The following TRIM71 variants were observed in gnomAD, a reference collection of about 807,000 sequenced individuals.
TRIM71 encodes the protein tripartite motif containing 71.
Under a neutral mutation model 61.2 loss-of-function variants are expected in TRIM71, and 9 were observed. That is an observed-to-expected ratio of 0.15 (90% CI 0.09 to 0.26). TRIM71 has a LOEUF of 0.26. TRIM71 is among the 10% of genes least tolerant of loss of function. TRIM71 has a pLI of 1.00. For missense variants in TRIM71, 998 were observed against 1,238.7 expected (o/e 0.81, Z 2.92); for synonymous variants, 645 against 553.2 (o/e 1.17, Z -2.33).
intron 1 of TRIM71, among the ~76,000 whole-genome samples, chr3:32,846,768 T>G (rs1696480656): frequency 6.6e-6 from 1 of 152,002 alleles, no homozygotes; most frequent in African/African-American, 2.4e-5. Context: ...ATTCCATATA[T>G]AAGTGACATC....
At chr3:32,827,119 A>G (rs372888481) in intron 1 of TRIM71, among the ~76,000 whole-genome samples, 3 of 152,056 alleles carry the variant, frequency 2.0e-5, no homozygotes, top group Non-Finnish European at 2.9e-5. Flanking sequence ...AAAAATTAGC[A>G]GTCAGTTGTA....
At position 32,890,647 on chromosome 3, in the gene TRIM71, G is replaced by T. The variant is rs777685448; in HGVS notation, c.1443G>T (p.Gly481=). 6.2e-7 allele frequency: 1 copy of T among 1,613,910 alleles called. No individual in the cohort carries two copies. Among genetic ancestry groups the T allele is most frequent in the Non-Finnish European group, 8.5e-7 (1 of 1,180,040 alleles). Residue 481 remains glycine, a synonymous_variant, in exon 4 of 4, where the codon GGG becomes GGT. Coordinates refer to ENST00000383763, the MANE Select transcript of TRIM71 (RefSeq NM_001039111.3). The surrounding 1 kb of genome is among the most constrained non-coding windows in gnomAD (Gnocchi z 6.2). ...AGTCTTTTGGCTTTGTTAGCAGCGGGGCCTTTGCCCCACTCACCAAGGCCA... is the reference window on the plus strand; with the variant it reads ...AGTCTTTTGGCTTTGTTAGCAGCGGTGCCTTTGCCCCACTCACCAAGGCCA... The part of the protein sequence containing the change: ...AIKSFGFVSS[G]AFAPLTKATG...
At chr3:32,855,823 A>G (rs540339907) in intron 1 of TRIM71, among the ~76,000 whole-genome samples, 6 of 152,186 alleles carry the variant, frequency 3.9e-5, no homozygotes, top group Admixed American at 3.3e-4. Context: ...CTGCTTCTGT[A>G]CTGTTTATAA....
chr3:32,890,636 G>T lies in TRIM71; in HGVS notation c.1432G>T (p.Val478Phe). 2 of 1,613,910 alleles carry T rather than the reference G, an allele frequency of 1.2e-6. No individual in the cohort carries two copies. Among genetic ancestry groups the T allele is most frequent in the Non-Finnish European group, 1.7e-6 (2 of 1,180,038 alleles). Residue 478 changes from valine (V) to phenylalanine (F), a missense_variant, in exon 4 of 4, where the codon GTT becomes TTT. Val to Phe is a conservative substitution (Grantham distance 50). Coordinates refer to ENST00000383763, the MANE Select transcript of TRIM71 (RefSeq NM_001039111.3). The surrounding 1 kb of genome is among the most constrained non-coding windows in gnomAD (Gnocchi z 6.2). ...CCTTGCCATCAAGTCTTTTGGCTTT[G>T]TTAGCAGCGGGGCCTTTGCCCCACT... Reference protein sequence around the residue: ...LYLAIKSFGFVSSGAFAPLTK... With the variant: ...LYLAIKSFGFFSSGAFAPLTK...
chr3:32,897,727 C>T lies in TRIM71; in HGVS notation c.*5916C>T, dbSNP rs1460036029. On this transcript the variant is annotated 3_prime_UTR_variant, in exon 4 of 4. Coordinates refer to ENST00000383763, the MANE Select transcript of TRIM71 (RefSeq NM_001039111.3). ...GGAGATGCTGTATCAGCTACTACAG[C>T]CTTAAAACAAAGTTGGTGTCTCTTT... 6.6e-6 allele frequency: 1 copy of T among 152,070 alleles called. No individual in the cohort carries two copies. The highest frequency in any genetic ancestry group is 2.4e-5 in the African/African-American group (1 of 41,404). The allele number at this position is 152,070 out of a possible 1,614,324, so 9.4% of individuals were successfully genotyped here. A position where few individuals can be genotyped will look rare whatever the true frequency, so the allele number is the denominator to read the frequency against.
At chr3:32,881,801 A>G (rs570743341) in intron 2 of TRIM71, among the ~76,000 whole-genome samples, 9 of 152,328 alleles carry the variant, frequency 5.9e-5, no homozygotes, top group African/African-American at 1.7e-4. Flanking sequence ...AACTAGTTCA[A>G]TAAGTCCTGG....
intron 1 of TRIM71, among the ~76,000 whole-genome samples, chr3:32,860,401 C>A (rs183706386): frequency 6.6e-6 from 1 of 152,056 alleles, no homozygotes. Context: ...GGTGATCCAC[C>A]TGCCTCGGAC....
Position 32,891,872 on chromosome 3 carries a change from C to A in TRIM71, c.*61C>A. 6.6e-7 allele frequency: 1 copy of A among 1,510,720 alleles called. No individual in the cohort carries two copies. The highest frequency in any genetic ancestry group is 8.9e-7 in the Non-Finnish European group (1 of 1,127,936). The allele number at this position is 1,510,720 out of a possible 1,614,324, so 93.6% of individuals were successfully genotyped here. ...TGCGTGTCTCTCTCTCTCTCTCTCTCTTTCTCTTTCTCTCTCTTTTTGAAT... is the reference window on the plus strand; with the variant it reads ...TGCGTGTCTCTCTCTCTCTCTCTCTATTTCTCTTTCTCTCTCTTTTTGAAT... On this transcript the variant is annotated 3_prime_UTR_variant, in exon 4 of 4. Transcript: ENST00000383763. This position sits in a 1 kb window ranked among gnomAD's most constrained non-coding sequence, Gnocchi z 8.2.
At position 32,893,178 on chromosome 3, in the gene TRIM71, A is replaced by C. The variant is rs578114078; in HGVS notation, c.*1367A>C. On this transcript the variant is annotated 3_prime_UTR_variant, in exon 4 of 4. Transcript: ENST00000383763. ...CATGCTTTAGGACCTCATGGTTAAC[A>C]TGAATCCCCCCGCCCCCTCTCCCCC... 1 of 151,996 alleles carries C rather than the reference A, an allele frequency of 6.6e-6. No individual in the cohort carries two copies. The highest frequency in any genetic ancestry group is 6.6e-5 in the Admixed American group (1 of 15,246). 9.4% of individuals were successfully genotyped at this position (151,996 alleles called of 1,614,324 possible).
chr3:32,826,780 CG>C (rs1229464182), intron 1 of TRIM71, among the ~76,000 whole-genome samples: 2 of 151,184 alleles, frequency 1.3e-5, no homozygotes, highest in Non-Finnish European at 2.9e-5. Flanking sequence ...TTTTTTGAGA[CG>C]GAGTCTTGCT....
Position 32,890,597 on chromosome 3 carries a change from G to A in TRIM71, c.1393G>A (p.Asp465Asn), listed in dbSNP as rs776373796. 7 of 1,613,872 alleles carry A rather than the reference G, an allele frequency of 4.3e-6. No individual in the cohort carries two copies. Among genetic ancestry groups the A allele is most frequent in the African/African-American group, 2.7e-5 (2 of 75,058 alleles). ...CGACCGAGTCATGTTCACACCCCCC[G>A]ATCAGGCACTGTACCTTGCCATCAA... ...EDDRVMFTPP[D>N]QALYLAIKSF... Residue 465 changes from aspartate (D) to asparagine (N), a missense_variant, in exon 4 of 4, where the codon GAT (aspartate) becomes AAT (asparagine). This residue lies in a region of TRIM71 where 291 missense variants were observed against 431.2 expected (regional missense o/e 0.67). Coordinates refer to ENST00000383763, the MANE Select transcript of TRIM71 (RefSeq NM_001039111.3). The surrounding 1 kb of genome is among the most constrained non-coding windows in gnomAD (Gnocchi z 6.2).
intron 2 of TRIM71, among the ~76,000 whole-genome samples, chr3:32,880,499 G>T (rs1242368320): frequency 6.6e-6 from 1 of 152,156 alleles, no homozygotes; most frequent in Non-Finnish European, 1.5e-5. Flanking sequence ...CCTAACTTAT[G>T]ACTTTAAAGA....
At chr3:32,874,685 G>A (rs898661307) in intron 2 of TRIM71, among the ~76,000 whole-genome samples, 1 of 151,914 alleles carries the variant, frequency 6.6e-6, no homozygotes, top group African/African-American at 2.4e-5. Flanking sequence ...ACCACGCCCG[G>A]CTAATTTTTT....
intron 1 of TRIM71, among the ~76,000 whole-genome samples, chr3:32,839,020 T>C (rs1696372824): frequency 6.6e-6 from 1 of 151,782 alleles, no homozygotes; most frequent in African/African-American, 2.4e-5. Flanking sequence ...AGGCTGGTCT[T>C]GAACTCCTGA....
At chr3:32,831,050 G>A (rs371091643) in intron 1 of TRIM71, among the ~76,000 whole-genome samples, 15 of 152,190 alleles carry the variant, frequency 9.9e-5, no homozygotes, top group South Asian at 4.2e-4. Context: ...CGCCTACCTC[G>A]GCCTCCCAAA....
intron 2 of TRIM71, among the ~76,000 whole-genome samples, chr3:32,881,939 G>A (rs1018611256): frequency 2.0e-5 from 3 of 152,194 alleles, no homozygotes; most frequent in Non-Finnish European, 2.9e-5. Context: ...TTGCATGCTT[G>A]CTGATTATTA....
intron 1 of TRIM71, among the ~76,000 whole-genome samples, chr3:32,844,031 C>T (rs944353935): frequency 3.9e-5 from 6 of 152,116 alleles, no homozygotes; most frequent in Non-Finnish European, 5.9e-5. Context: ...CTATGAGAGC[C>T]GAAGTATTTT....
chr3:32,856,357 T>TA (rs1195463716), intron 1 of TRIM71, among the ~76,000 whole-genome samples: 2 of 151,290 alleles, frequency 1.3e-5, no homozygotes, highest in African/African-American at 4.9e-5. Context: ...ACCGCTCCCC[T>TA]GCCCCCCCAT....
chr3:32,848,230 C>T (rs1219946997), intron 1 of TRIM71, among the ~76,000 whole-genome samples: 1 of 152,186 alleles, frequency 6.6e-6, no homozygotes, highest in East Asian at 1.9e-4. Flanking sequence ...TTATGCTATA[C>T]TGTGCGCATG....
Sources: allele counts gnomAD v4.1 joint callset (sites outside exome capture counted in the v4.1 genomes callset), GRCh38; gene constraint gnomAD v4.1.1; regional missense constraint gnomAD v4.1.1; non-coding constraint Gnocchi (gnomAD v3.1); transcripts MANE v1.5; gene names NCBI Gene and HGNC (gene_info 2026-07-23, HGNC 2026-07-21).